The following WDR87 variants were observed in gnomAD, a reference collection of about 807,000 sequenced individuals.
WDR87 encodes the protein WD repeat-containing protein 87.
In WDR87, 56 loss-of-function variants were observed where a neutral mutation model predicts 83.3. The ratio of observed to expected loss-of-function variants is 0.67; its 90% CI spans 0.54 to 0.84. WDR87 has a LOEUF of 0.84. Ranked by LOEUF, WDR87 falls within the 40% of genes least tolerant of loss-of-function variation. The pLI is 0.00. For synonymous variants in WDR87, 1,173 were observed against 1,250.6 expected, an observed-to-expected ratio of 0.94 and a Z score of 1.31; for missense variants, 2,939 against 3,431.9, an observed-to-expected ratio of 0.86 and a Z score of 3.59.
chr19:37,885,957 C>T lies in WDR87; in HGVS notation c.7714G>A (p.Glu2572Lys). 6.4e-7 allele frequency: 1 copy of T among 1,552,194 alleles called. No homozygotes were observed. Among genetic ancestry groups the T allele is most frequent in the East Asian group, 2.4e-5 (1 of 40,926 alleles). The stretch of plus-strand genomic sequence containing the variant: ...AGCTGTTCTCCCGCTTCCATTCGTT[C>T]TAGGACATGGCGGATCCACTCTACA... The part of the protein sequence containing the change: ...SDVEWIRHVL[E>K]RMEAGEQLSR... Residue 2572 changes from glutamate (E) to lysine (K), a missense_variant, in exon 6 of 6, where the codon GAA (glutamate) becomes AAA (lysine). This residue lies in a region of WDR87 where 2,160 missense variants were observed against 2,533.1 expected (regional missense o/e 0.85). Coordinates refer to ENST00000447313, the MANE Select transcript of WDR87 (RefSeq NM_001291088.2).
chr19:37,887,179 A>C lies in WDR87; in HGVS notation c.6492T>G (p.Phe2164Leu). The change falls in exon 6 of 6, where the codon TTT (phenylalanine) becomes TTG (leucine). Residue 2164 changes from phenylalanine to leucine, a missense_variant. Transcript: ENST00000447313. Reference protein sequence around the residue: ...QSKLDIKEWDFSEKRSELTKD... With the variant: ...QSKLDIKEWDLSEKRSELTKD... ...TAGTCAGTTCTGATCGTTTTTCAGA[A>C]AAATCCCACTCTTTGATATCCAGCT... The C allele has an allele frequency of 6.4e-7, 1 of 1,551,602 alleles. No individual in the cohort carries two copies. The highest frequency in any genetic ancestry group is 8.7e-7 in the Non-Finnish European group (1 of 1,147,026).
chr19:37,896,064 T>A (rs1046118148), intron 3 of WDR87, 74 bp downstream of exon 3: 1 of 1,514,542 alleles, frequency 6.6e-7, no homozygotes, highest in Non-Finnish European at 8.9e-7. Flanking sequence ...TCCTCCTTTG[T>A]CAATCTGGGC....
At chr19:37,905,176 G>T (rs2046316593) in intron 1 of WDR87, among the ~76,000 whole-genome samples, 1 of 150,748 alleles carries the variant, frequency 6.6e-6, no homozygotes. Context: ...AGGTTGCAGG[G>T]AGCCGAGGTG....
rs1599764764 is a variant in WDR87 at position 37,893,190 on chromosome 19, GTGC to G, written c.2510_2512del (p.Gly837_Thr838delinsAla). The G allele has an allele frequency of 6.4e-7, 1 of 1,551,870 alleles. No homozygotes were observed. The highest frequency in any genetic ancestry group is 8.7e-7 in the Non-Finnish European group (1 of 1,147,034). On this transcript the variant is annotated inframe_deletion, in exon 4 of 6. Transcript: ENST00000447313. ...CAGGTTGCACTGTAGGTATATTGGGGTGCCCTCTGGCCAAAGACGGGCACGAAT... is the reference window on the plus strand; with the variant it reads ...CAGGTTGCACTGTAGGTATATTGGGGCCTCTGGCCAAAGACGGGCACGAAT...
chr19:37,905,845 T>C lies in WDR87; in HGVS notation c.-47+654A>G, dbSNP rs78494389. Among the ~76,000 whole-genome samples, 592 of 152,308 alleles carry C rather than the reference T, an allele frequency of 3.9e-3. 3 individuals carry two copies. The highest frequency in any genetic ancestry group is 0.012 in the African/African-American group (506 of 41,572). On this transcript the variant is annotated intron_variant, in intron 1 of 5. Transcript: ENST00000447313. ...CAGGGTATATTTCTCTTAGCTAGTA[T>C]TGCTCTACATTGTTGTAGTCTGGTG... is the stretch of plus-strand genomic sequence containing the variant.
Position 37,890,173 on chromosome 19 carries a change from T to C in WDR87, c.3498A>G (p.Ala1166=), listed in dbSNP as rs1257816492. ...LLEDESGTEA[A]PIEMEEASVY... ...CGGATGCTTCCTCCATCTCAATTGG[T>C]GCGGCCTCAGTCCCACTTTCATCCT... The change falls in exon 6 of 6, where the codon GCA becomes GCG. Residue 1166 remains alanine (A), a synonymous_variant. Transcript: ENST00000447313. The C allele has an allele frequency of 1.1e-5, 17 of 1,551,708 alleles. No individual in the cohort carries two copies. The East Asian group carries it at 3.9e-4, about 36-fold the overall frequency.
chr19:37,894,231 T>G lies in WDR87; in HGVS notation c.1472A>C (p.Gln491Pro). 6.4e-7 allele frequency: 1 copy of G among 1,551,944 alleles called. No individual in the cohort carries two copies. The highest frequency in any genetic ancestry group is 2.0e-5 in the Admixed American group (1 of 51,006). ...HQSGVIRVLS[Q>P]HSCARLEKFM... is the part of the protein sequence containing the mutation. ...TTTTTCTAATCGAGCACAGCTGTGC[T>G]GGGAGAGCACTCTTATCACACCACT... is the stretch of plus-strand genomic sequence containing the variant. Residue 491 changes from glutamine (Q) to proline (P), a missense_variant, in exon 4 of 6, where the codon CAG becomes CCG. Physicochemically the swap from Gln to Pro is moderately conservative, Grantham distance 76. Transcript: ENST00000447313.
chr19:37,896,210 TAC>T lies in WDR87; in HGVS notation c.172_173del (p.Val58MetfsTer6), dbSNP rs1290697386. On this transcript the variant is annotated frameshift_variant, in exon 3 of 6. Coordinates refer to ENST00000447313, the MANE Select transcript of WDR87 (RefSeq NM_001291088.2). LOFTEE classifies it high-confidence loss of function. ...ESRYPQNMPC[V>X]CYYFSDAHFF... Reference sequence around the variant, plus strand: ...AGTGGGCATCACTGAAGTAATAGCATACACACGGCATATTTTGAGGATAGCGA... The same window carrying T: ...AGTGGGCATCACTGAAGTAATAGCATACACGGCATATTTTGAGGATAGCGA... 5.8e-6 allele frequency: 9 copies of T among 1,552,300 alleles called. No individual in the cohort carries two copies. The South Asian group carries it at 8.3e-5, about 14-fold the overall frequency.
chr19:37,890,413 A>AAC (rs1555757815), intron 5 of WDR87, 137 bp from the exon 6 acceptor site: 13,640 of 1,138,216 alleles, frequency 0.012, 7 homozygotes, highest in Non-Finnish European at 0.014. Context: ...TAAAAAAAAA[A>AAC]AGCATTCTCT....
At chr19:37,902,227 T>G (rs1174754106) in intron 1 of WDR87, among the ~76,000 whole-genome samples, 1 of 152,024 alleles carries the variant, frequency 6.6e-6, no homozygotes, top group African/African-American at 2.4e-5. Context: ...CTTTTTTATT[T>G]TTTTTGAGAC....
chr19:37,900,560 C>CA (rs58946958), intron 1 of WDR87, among the ~76,000 whole-genome samples: 15,447 of 77,866 alleles, frequency 0.2, 1,790 homozygotes, highest in Middle Eastern at 0.39. Flanking sequence ...GACTCCGTCT[C>CA]AAAAAAAAAA....
Position 37,895,088 on chromosome 19 carries a change from A to T in WDR87, c.615T>A (p.Gly205=). The change falls in exon 4 of 6, where the codon GGT becomes GGA. Residue 205 remains glycine (G), a synonymous_variant. Transcript: ENST00000447313. The part of the protein sequence containing the change: ...DELVQDIVLN[G]PSGSLLALCE... Reference sequence around the variant, plus strand: ...ACAGGGCCAGGAGGGAGCCACTGGGACCATTCAGCACGATGTCCTGGACAA... The same window carrying T: ...ACAGGGCCAGGAGGGAGCCACTGGGTCCATTCAGCACGATGTCCTGGACAA... 1 of 1,551,680 alleles carries T rather than the reference A, an allele frequency of 6.4e-7. No homozygotes were observed. Among genetic ancestry groups the T allele is most frequent in the Non-Finnish European group, 8.7e-7 (1 of 1,146,994 alleles).
intron 1 of WDR87, 55 bp downstream of exon 1, chr19:37,906,444 A>G (rs967889596): frequency 1.3e-5 from 2 of 152,214 alleles, no homozygotes; most frequent in African/African-American, 4.8e-5. Flanking sequence ...GGCCTCCTGC[A>G]CGTGGCAGGG....
At position 37,893,474 on chromosome 19, in the gene WDR87, G is replaced by T. The variant is rs188851411; in HGVS notation, c.2229C>A (p.Asp743Glu). 301 of 1,551,986 alleles carry T rather than the reference G, an allele frequency of 1.9e-4. No homozygotes were observed. In the African/African-American group the frequency reaches 2.3e-3, roughly 12 times the overall value. ...CTTCTATCACATGTGGCACAGAATG[G>T]TCAAAGGCAATGGCCCGGTTGTTGA... ...KLVNNRAIAFDHSVPHVIEED... is the reference protein window; with the variant it reads ...KLVNNRAIAFEHSVPHVIEED... Residue 743 changes from aspartate to glutamate, a missense_variant, in exon 4 of 6, where the codon GAC becomes GAA. By Grantham distance (45) the Asp-to-Glu change is conservative. Transcript: ENST00000447313.
At chr19:37,900,560 C>CAAAAAAAAAAAAAAAAAAAAAAAAAA (rs58946958) in intron 1 of WDR87, among the ~76,000 whole-genome samples, 12 of 78,078 alleles carry the variant, frequency 1.5e-4, no homozygotes, top group South Asian at 4.8e-4. Flanking sequence ...GACTCCGTCT[C>CAAAAAAAAAAAAAAAAAAAAAAAAAA]AAAAAAAAAA....
At position 37,893,678 on chromosome 19, in the gene WDR87, T is replaced by C. The variant is rs2046227783; in HGVS notation, c.2025A>G (p.Leu675=). The change falls in exon 4 of 6, where the codon TTA becomes TTG. Residue 675 remains leucine (L), a synonymous_variant. Transcript: ENST00000447313. ...TCAGCAGGGCTGGGGGAAGCAATTT[T>C]AAACAGGACACTAGGTAAAGACTCT... ...FNQSLYLVSC[L]KLLPPALLTR... 3 of 1,551,930 alleles carry C rather than the reference T, an allele frequency of 1.9e-6. No individual in the cohort carries two copies. The African/African-American group carries it at 4.1e-5, about 21-fold the overall frequency.
At position 37,888,951 on chromosome 19, in the gene WDR87, C is replaced by T. The variant is rs2046177902; in HGVS notation, c.4720G>A (p.Glu1574Lys). The change falls in exon 6 of 6, where the codon GAG becomes AAG. Residue 1574 changes from glutamate (E) to lysine (K), a missense_variant. Physicochemically the swap from Glu to Lys is moderately conservative, Grantham distance 56. Around this residue, in one of 3 missense-constraint regions of WDR87, gnomAD observed 2,160 missense variants for 2,533.1 expected, o/e 0.85. Transcript: ENST00000447313. Reference sequence around the variant, plus strand: ...TCTTCCTCATCCTTGTACTGTTGCTCCTTGGACTTAGATGATAACATATTT... The same window carrying T: ...TCTTCCTCATCCTTGTACTGTTGCTTCTTGGACTTAGATGATAACATATTT... ...WENMLSSKSKEQQYKDEEEVT... is the reference protein window; with the variant it reads ...WENMLSSKSKKQQYKDEEEVT... 6.4e-7 allele frequency: 1 copy of T among 1,552,128 alleles called. No homozygotes were observed. Among genetic ancestry groups the T allele is most frequent in the Non-Finnish European group, 8.7e-7 (1 of 1,147,118 alleles).
rs757281095 is a variant in WDR87, at chr19:37,891,814, CTG to C, written c.3130_3131del (p.Gln1044AspfsTer31). On this transcript the variant is annotated frameshift_variant, in exon 5 of 6. Transcript: ENST00000447313. LOFTEE classifies it high-confidence loss of function. ...GGTCCAGGGGTTCCTCCCCGATCATCTGCTGCCTATGAAAGTCAAAGGAGAAG... is the reference window on the plus strand; with the variant it reads ...GGTCCAGGGGTTCCTCCCCGATCATCCTGCCTATGAAAGTCAAAGGAGAAG... ...KQETFREMQQ[Q>X]MIGEEPLDHL... 4 of 1,551,700 alleles carry C rather than the reference CTG, an allele frequency of 2.6e-6. No individual in the cohort carries two copies.
In WDR87 at chr19:37,885,335, T is replaced by C; in HGVS notation, c.8336A>G (p.Gln2779Arg). Reference protein sequence around the residue: ...VALYHVLRMLQQRYPKDSTAW... With the variant: ...VALYHVLRMLRQRYPKDSTAW... ...AGTGCTGTCTTTTGGATATCGCTGC[T>C]GCAGCATCCGCAAAACATGGTACAG... Residue 2779 changes from glutamine to arginine, a missense_variant, in exon 6 of 6, where the codon CAG (glutamine) becomes CGG (arginine). Coordinates refer to ENST00000447313, the MANE Select transcript of WDR87 (RefSeq NM_001291088.2). The C allele has an allele frequency of 1.3e-6, 2 of 1,551,728 alleles. No individual in the cohort carries two copies. The highest frequency in any genetic ancestry group is 1.7e-6 in the Non-Finnish European group (2 of 1,146,996).
Sources: allele counts gnomAD v4.1 joint callset (sites outside exome capture counted in the v4.1 genomes callset), GRCh38; gene constraint gnomAD v4.1.1; regional missense constraint gnomAD v4.1.1; transcripts MANE v1.5; gene names NCBI Gene and HGNC (gene_info 2026-07-23, HGNC 2026-07-21).